ZNF268: variants seen among roughly 807,000 people sequenced by gnomAD.
The protein encoded by ZNF268 is zinc finger protein 268, also known as zinc finger protein 3.
A neutral mutation model predicts 29.3 loss-of-function variants in ZNF268; 20 were observed. That is an observed-to-expected ratio of 0.68 (90% CI 0.48 to 0.99). The LOEUF (loss-of-function observed/expected upper bound fraction) is 0.99, where lower values mean the gene tolerates loss of function less well. ZNF268 is among the 50% of genes least tolerant of loss of function. The probability of loss-of-function intolerance (pLI) is 0.00; values close to 1 mark genes in which losing one functional copy is unlikely to be tolerated. For synonymous variants in ZNF268, 429 were observed against 376.9 expected (o/e 1.14, Z -1.60); for missense variants, 1,240 against 1,121.6 (o/e 1.11, Z -1.51).
At position 133,202,215 on chromosome 12, in the gene ZNF268, A is replaced by G; in HGVS notation, c.529A>G (p.Lys177Glu). The change falls in exon 6 of 6, where the codon AAA becomes GAA. Residue 177 changes from lysine to glutamate, a missense_variant. Lys to Glu is a moderately conservative substitution (Grantham distance 56). Around this residue, in one of 3 missense-constraint regions of ZNF268, gnomAD observed 1,177 missense variants for 1,039.6 expected, o/e 1.13. Coordinates refer to ENST00000536435, the MANE Select transcript of ZNF268 (RefSeq NM_003415.3). ...ENKDKLGSTA[K>E]SFECTTFGKL... is the part of the protein sequence containing the mutation. ...TAAAGACAAGCTGGGAAGTACGGCA[A>G]AAAGCTTTGAATGCACTACATTTGG... 1 of 1,609,218 alleles carries G rather than the reference A, an allele frequency of 6.2e-7. No homozygotes were observed. Among genetic ancestry groups the G allele is most frequent in the Non-Finnish European group, 8.5e-7 (1 of 1,177,916 alleles).
intron 1 of ZNF268, 96 bp from the exon 2 acceptor site, chr12:133,181,850 C>G: frequency 1.3e-6 from 1 of 764,312 alleles, no homozygotes; most frequent in Non-Finnish European, 2.2e-6. Context: ...AGCCTCAGCT[C>G]CGAGAATGGC....
chr12:133,199,600 C>G (rs186697692), intron 5 of ZNF268, among the ~76,000 whole-genome samples: 219 of 151,802 alleles, frequency 1.4e-3, no homozygotes, highest in African/African-American at 4.9e-3. Flanking sequence ...GGAATAGTTT[C>G]AGAAGGAATA....
chr12:133,184,777 C>T (rs1479403154), intron 2 of ZNF268: 1 of 432,978 alleles, frequency 2.3e-6, no homozygotes, highest in East Asian at 7.1e-5. Flanking sequence ...CCACCATGCC[C>T]AGCTAATTGG....
At chr12:133,182,087 G>A in intron 2 of ZNF268, 57 bp downstream of exon 2, 5 of 1,522,458 alleles carry the variant, frequency 3.3e-6, no homozygotes. Context: ...CAACGTGTGC[G>A]CACTCCATCT....
chr12:133,212,227 TAGG>T lies in ZNF268; in HGVS notation c.*7702_*7704del, dbSNP rs1363329662. The T allele has an allele frequency of 2.6e-5, 4 of 151,986 alleles. No individual in the cohort carries two copies. Among genetic ancestry groups the T allele is most frequent in the Non-Finnish European group, 4.4e-5 (3 of 67,980 alleles). The allele number at this position is 151,986 out of a possible 1,614,324, so 9.4% of individuals were successfully genotyped here. A position where few individuals can be genotyped will look rare whatever the true frequency, so the allele number is the denominator to read the frequency against. ...TGTAGAGGGCAGGGAGTGAGTTAAATAGGAGGATATAATGATAGAAACAGGCAC... is the reference window on the plus strand; with the variant it reads ...TGTAGAGGGCAGGGAGTGAGTTAAATAGGATATAATGATAGAAACAGGCAC... On this transcript the variant is annotated 3_prime_UTR_variant, in exon 6 of 6. Coordinates refer to ENST00000536435, the MANE Select transcript of ZNF268 (RefSeq NM_003415.3).
intron 2 of ZNF268, among the ~76,000 whole-genome samples, chr12:133,182,600 C>T (rs931710147): frequency 1.3e-5 from 2 of 152,066 alleles, no homozygotes; most frequent in Non-Finnish European, 1.5e-5. Flanking sequence ...AAGGACACCC[C>T]CTAACCCCTT....
chr12:133,191,420 C>A (rs1355636793), intron 3 of ZNF268, 69 bp from the exon 4 acceptor site: 15 of 1,592,000 alleles, frequency 9.4e-6, no homozygotes, highest in Admixed American at 1.7e-5. Context: ...ATAATGGACA[C>A]CCTAAACAGC....
rs759822227 is a variant in ZNF268, at chr12:133,191,549, GACCCAGCAC to G, written c.297_305del (p.Asp99_Gln102delinsGlu). ...TACCTGGGAGGAGTGGCAGCTGCTA[GACCCAGCAC>G]AGAAGTGCCTGTACAGGAGTGTGAT... is the stretch of plus-strand genomic sequence containing the variant. On this transcript the variant is annotated inframe_deletion, in exon 4 of 6. Transcript: ENST00000536435. 6.2e-7 allele frequency: 1 copy of G among 1,614,038 alleles called. No homozygotes were observed. Among genetic ancestry groups the G allele is most frequent in the Non-Finnish European group, 8.5e-7 (1 of 1,179,948 alleles).
In ZNF268 at chr12:133,203,690, T is replaced by A. The variant is rs779841204; in HGVS notation, c.2004T>A (p.Tyr668Ter). The A allele has an allele frequency of 6.5e-7, 1 of 1,547,848 alleles. No homozygotes were observed. The highest frequency in any genetic ancestry group is 8.7e-7 in the Non-Finnish European group (1 of 1,152,218). Reference protein sequence around the residue: ...HKGVHTGVKPYGCSQCAKTFS... With the variant: ...HKGVHTGVKP ...GAGTGCACACTGGAGTAAAACCCTA[T>A]GGATGCAGTCAATGTGCAAAAACCT... The change falls in exon 6 of 6, where the codon TAT becomes TAA. Residue 668 changes from tyrosine to a stop codon, truncating the protein, a stop_gained. Transcript: ENST00000536435. LOFTEE classifies it low-confidence loss of function (END_TRUNC).
rs1395707877 is a variant in ZNF268 at position 133,204,121 on chromosome 12, A to T, written c.2435A>T (p.Glu812Val). 1 of 1,545,008 alleles carries T rather than the reference A, an allele frequency of 6.5e-7. No individual in the cohort carries two copies. Among genetic ancestry groups the T allele is most frequent in the Non-Finnish European group, 8.7e-7 (1 of 1,147,828 alleles). ...GGTGAAAAACCATATGAATGTAATG[A>T]ATGTGGGAAAGCCTTCATTTGGAAA... ...HSGEKPYECN[E>V]CGKAFIWKSL... is the part of the protein sequence containing the mutation. The change falls in exon 6 of 6, where the codon GAA (glutamate) becomes GTA (valine). Residue 812 changes from glutamate to valine, a missense_variant. By Grantham distance (121) the Glu-to-Val change is moderately radical. Transcript: ENST00000536435.
chr12:133,181,889 C>G, intron 1 of ZNF268, 57 bp from the exon 2 acceptor site: 1 of 1,240,894 alleles, frequency 8.1e-7, no homozygotes. Flanking sequence ...GGACCCTCCC[C>G]CTCTGGGTTT....
In ZNF268 at chr12:133,208,720, G is replaced by T. The variant is rs143871767; in HGVS notation, c.*4190G>T. On this transcript the variant is annotated 3_prime_UTR_variant, in exon 6 of 6. Coordinates refer to ENST00000536435, the MANE Select transcript of ZNF268 (RefSeq NM_003415.3). The stretch of plus-strand genomic sequence containing the variant: ...ATGAAATGAGTAACATCTAGCCAAG[G>T]TGTGAAAACAAGGAATGTGAGGAAT... The T allele has an allele frequency of 0.18, 27,669 of 152,146 alleles. 3,237 individuals carry two copies. The highest frequency in any genetic ancestry group is 0.26 in the Non-Finnish European group (17,649 of 68,000). 9.4% of individuals were successfully genotyped at this position (152,146 alleles called of 1,614,324 possible). A position where few individuals can be genotyped will look rare whatever the true frequency, so the allele number is the denominator to read the frequency against.
intron 2 of ZNF268, among the ~76,000 whole-genome samples, chr12:133,183,728 T>C (rs922798093): frequency 6.6e-6 from 1 of 151,894 alleles, no homozygotes; most frequent in South Asian, 2.1e-4. Flanking sequence ...TAGGTAGAGG[T>C]TGCAAATTAG....
intron 5 of ZNF268, among the ~76,000 whole-genome samples, chr12:133,195,665 C>T (rs978891189): frequency 6.6e-6 from 1 of 152,056 alleles, no homozygotes; most frequent in Non-Finnish European, 1.5e-5. Context: ...AATGATTGCA[C>T]CACTGCACTT....
chr12:133,210,537 G>A lies in ZNF268; in HGVS notation c.*6007G>A, dbSNP rs1241274563. On this transcript the variant is annotated 3_prime_UTR_variant, in exon 6 of 6. Transcript: ENST00000536435. ...TTCACTGTGGTTGTGCCCCACAGTG[G>A]TCCTCAGGTTGGCCAGTGGAGAAGG... is the stretch of plus-strand genomic sequence containing the variant. 3.5e-6 allele frequency: 1 copy of A among 282,306 alleles called. No individual in the cohort carries two copies. The highest frequency in any genetic ancestry group is 8.1e-5 in the East Asian group (1 of 12,390). 17.5% of individuals were successfully genotyped at this position (282,306 alleles called of 1,614,324 possible).
chr12:133,202,820 C>A lies in ZNF268; in HGVS notation c.1134C>A (p.His378Gln), dbSNP rs761333519. Residue 378 changes from histidine (H) to glutamine (Q), a missense_variant, in exon 6 of 6, where the codon CAC becomes CAA. This residue lies in a region of ZNF268 where 1,177 missense variants were observed against 1,039.6 expected (regional missense o/e 1.13). Transcript: ENST00000536435. ...GTAGGAAAGACCAGCTTGTTTCACA[C>A]CAGAAAACTCATTCAGGACAGAAAC... Reference protein sequence around the residue: ...VFSRKDQLVSHQKTHSGQKPY... With the variant: ...VFSRKDQLVSQQKTHSGQKPY... 1 of 1,601,816 alleles carries A rather than the reference C, an allele frequency of 6.2e-7. No individual in the cohort carries two copies. The highest frequency in any genetic ancestry group is 8.5e-7 in the Non-Finnish European group (1 of 1,176,454).
At chr12:133,183,794 G>A (rs1478862269) in intron 2 of ZNF268, among the ~76,000 whole-genome samples, 2 of 152,202 alleles carry the variant, frequency 1.3e-5, no homozygotes, top group African/African-American at 4.8e-5. Context: ...ACTGAGGACA[G>A]TGGTCAGGGA....
chr12:133,200,601 CATCT>C (rs1956729951), intron 5 of ZNF268, among the ~76,000 whole-genome samples: 1 of 151,932 alleles, frequency 6.6e-6, no homozygotes, highest in East Asian at 1.9e-4. Context: ...TGTTTTGGGG[CATCT>C]ATCTATTTTC....
In ZNF268 at chr12:133,181,981, CA is replaced by C; in HGVS notation, c.-13del. ...GTCCTGTCACTTCCAGCGAGGCACACAAAACTGACCGTAGGGATGGCCACCA... is the reference window on the plus strand; with the variant it reads ...GTCCTGTCACTTCCAGCGAGGCACACAAACTGACCGTAGGGATGGCCACCA... On this transcript the variant is annotated 5_prime_UTR_variant, in exon 2 of 6. Transcript: ENST00000536435. The C allele has an allele frequency of 6.4e-7, 1 of 1,562,836 alleles. No homozygotes were observed. The highest frequency in any genetic ancestry group is 1.9e-5 in the Admixed American group (1 of 52,160).
Sources: allele counts gnomAD v4.1 joint callset (sites outside exome capture counted in the v4.1 genomes callset), GRCh38; gene constraint gnomAD v4.1.1; regional missense constraint gnomAD v4.1.1; transcripts MANE v1.5; gene names NCBI Gene and HGNC (gene_info 2026-07-23, HGNC 2026-07-21).